TENM1: variants seen among roughly 807,000 people sequenced by gnomAD.
TENM1 encodes the protein teneurin transmembrane protein 1.
A neutral mutation model predicts 174.8 loss-of-function variants in TENM1; 35 were observed. That is an observed-to-expected ratio of 0.20 (90% CI 0.15 to 0.27). The LOEUF (loss-of-function observed/expected upper bound fraction) is 0.27, where lower values mean the gene tolerates loss of function less well. TENM1 is among the 10% of genes least tolerant of loss of function. TENM1 has a pLI of 1.00. For synonymous variants in TENM1, 781 were observed against 798.7 expected (o/e 0.98, Z 0.37); for missense variants, 1,633 against 2,130.1 (o/e 0.77, Z 4.59).
At chrX:124,652,388 A>T (rs970013556) in intron 7 of TENM1, among the ~76,000 whole-genome samples, 1 of 111,745 alleles carries the variant, frequency 8.9e-6, no homozygotes, top group Non-Finnish European at 1.9e-5. Context: ...TTTTATAAAA[A>T]TTTTTAAAAG....
intron 1 of TENM1, among the ~76,000 whole-genome samples, chrX:124,947,060 C>A (rs1050903351): frequency 2.7e-5 from 3 of 111,286 alleles, no homozygotes; most frequent in Admixed American, 9.6e-5. Flanking sequence ...CTAGTTAGTT[C>A]ATAGTGTTAG....
chrX:124,383,759 C>T, exon 30 of TENM1: 1 of 1,211,092 alleles, frequency 8.3e-7, no homozygotes, highest in Non-Finnish European at 1.1e-6. Flanking sequence ...CGTTGTCCAT[C>T]TGCCAGCAAC....
chrX:124,816,614 G>C (rs772440701), intron 3 of TENM1, among the ~76,000 whole-genome samples: 3 of 111,464 alleles, frequency 2.7e-5, no homozygotes, highest in Non-Finnish European at 5.7e-5. Flanking sequence ...CCCAGCCACT[G>C]TACTCATAAT....
At chrX:124,389,633 T>C (rs2060261534) in intron 28 of TENM1, among the ~76,000 whole-genome samples, 2 of 110,666 alleles carry the variant, frequency 1.8e-5, no homozygotes, top group South Asian at 7.7e-4. Flanking sequence ...CTCCCTTCCT[T>C]CCTTCTTCCC....
At chrX:124,818,056 T>C (rs184444328) in intron 3 of TENM1, among the ~76,000 whole-genome samples, 1 of 111,085 alleles carries the variant, frequency 9.0e-6, no homozygotes, top group East Asian at 2.8e-4. Flanking sequence ...TTTTTTTTAA[T>C]TGCAATTAAA....
the TENM1 span, among the ~76,000 whole-genome samples, chrX:125,046,283 A>C: frequency 8.9e-6 from 1 of 112,367 alleles, no homozygotes; most frequent in Admixed American, 9.5e-5. Flanking sequence ...CCTTGACTTT[A>C]GTCAAAAAAC....
intron 27 of TENM1, among the ~76,000 whole-genome samples, chrX:124,399,742 G>A (rs973367841): frequency 7.2e-5 from 8 of 111,544 alleles, no homozygotes; most frequent in East Asian, 5.6e-4. Context: ...TGAGGTGGGC[G>A]GATGGCTTGA....
chrX:125,074,736 C>T, the TENM1 span, among the ~76,000 whole-genome samples: 2 of 111,015 alleles, frequency 1.8e-5, no homozygotes, highest in African/African-American at 6.6e-5. Context: ...GTCTAGTCAG[C>T]TCTATAGTAA....
intron 5 of TENM1, among the ~76,000 whole-genome samples, chrX:124,673,732 TCC>T (rs1276739581): frequency 9.0e-6 from 1 of 111,058 alleles, no homozygotes; most frequent in Admixed American, 9.6e-5. Flanking sequence ...TCTCTCTCTC[TCC>T]CTCTCTCTCG....
intron 23 of TENM1, among the ~76,000 whole-genome samples, chrX:124,447,834 G>A (rs1076665): frequency 0.56 from 60,831 of 109,548 alleles, 13,500 homozygotes; most frequent in Non-Finnish European, 0.7. Flanking sequence ...TTTTTATGCT[G>A]TGTACCCTCC....
intron 11 of TENM1, among the ~76,000 whole-genome samples, chrX:124,602,445 A>C (rs1039414521): frequency 2.7e-5 from 3 of 111,332 alleles, no homozygotes; most frequent in Non-Finnish European, 1.9e-5. Flanking sequence ...GTTTTGGAAC[A>C]ATGAGCTAAT....
chrX:125,110,356 C>T, the TENM1 span, among the ~76,000 whole-genome samples: 1 of 111,646 alleles, frequency 9.0e-6, no homozygotes, highest in Admixed American at 9.5e-5. Flanking sequence ...AACTGACATC[C>T]TTTACTAGAG....
At chrX:124,982,063 C>G in the TENM1 span, among the ~76,000 whole-genome samples, 1 of 72,956 alleles carries the variant, frequency 1.4e-5, no homozygotes, top group Non-Finnish European at 2.4e-5. Flanking sequence ...TGGGTTCATA[C>G]CATTTTAAGC....
rs143758409 is a variant in TENM1 at position 124,524,167 on chromosome X, C to T, written c.2772-542G>A. On this transcript the variant is annotated intron_variant, in intron 16 of 31. Coordinates refer to ENST00000422452, the Ensembl canonical transcript of TENM1. ...CTGGGATTACAGGTGTGAGCCACTG[C>T]GCCCAGCCTGTAAACCAGTTAATTT... Among the ~76,000 whole-genome samples the T allele has an allele frequency of 5.2e-4, 58 of 111,263 alleles. 1 individual carries two copies. The East Asian group carries it at 0.014, about 27-fold the overall frequency.
At chrX:124,491,110 C>A (rs1355630478) in intron 20 of TENM1, among the ~76,000 whole-genome samples, 1 of 112,047 alleles carries the variant, frequency 8.9e-6, no homozygotes, top group Non-Finnish European at 1.9e-5. Flanking sequence ...GTTTTAGATG[C>A]TACCATTTGC....
chrX:124,696,097 G>A (rs757041315), intron 5 of TENM1, among the ~76,000 whole-genome samples: 1 of 111,783 alleles, frequency 8.9e-6, no homozygotes, highest in South Asian at 3.7e-4. Flanking sequence ...CTCCTATGTT[G>A]GTAAATCTTA....
chrX:125,018,397 C>T, the TENM1 span, among the ~76,000 whole-genome samples: 81 of 111,310 alleles, frequency 7.3e-4, no homozygotes, highest in African/African-American at 2.4e-3. Context: ...GTTTTTTATA[C>T]TATGTTGAAT....
the TENM1 span, among the ~76,000 whole-genome samples, chrX:125,069,149 C>T: frequency 2.7e-5 from 3 of 111,476 alleles, no homozygotes; most frequent in Admixed American, 9.5e-5. Context: ...TAACACTCAC[C>T]GCCCTCTCAT....
chrX:124,689,660 T>C (rs903875722), intron 5 of TENM1, among the ~76,000 whole-genome samples: 1 of 111,025 alleles, frequency 9.0e-6, no homozygotes, highest in Admixed American at 9.6e-5. Flanking sequence ...TCAGTTTTCC[T>C]ATATGTAAAG....
Sources: allele counts gnomAD v4.1 joint callset (sites outside exome capture counted in the v4.1 genomes callset), GRCh38; gene constraint gnomAD v4.1.1; transcripts MANE v1.5; gene names NCBI Gene and HGNC (gene_info 2026-07-23, HGNC 2026-07-21).